Variants in DYNC1I2 observed in about 807,000 individuals in gnomAD.
DYNC1I2 encodes the protein dynein cytoplasmic 1 intermediate chain 2, also known as cytoplasmic dynein 1 intermediate chain 2.
DYNC1I2 carries 53 observed loss-of-function variants against 88.6 expected under a neutral mutation model. The ratio of observed to expected loss-of-function variants is 0.60; its 90% CI spans 0.48 to 0.75. The LOEUF is 0.75. DYNC1I2 is among the 30% of genes least tolerant of loss of function. The probability of loss-of-function intolerance (pLI) is 0.00; values close to 1 mark genes in which losing one functional copy is unlikely to be tolerated. For synonymous variants in DYNC1I2, 198 were observed against 254.6 expected (o/e 0.78, Z 2.12); for missense variants, 458 against 766.6 (o/e 0.60, Z 4.75).
intron 2 of DYNC1I2, among the ~76,000 whole-genome samples, chr2:171,691,639 G>A (rs1335669027): frequency 6.6e-6 from 1 of 152,180 alleles, no homozygotes; most frequent in Non-Finnish European, 1.5e-5. Flanking sequence ...TAGATTAAAA[G>A]CTGACTGGTA....
In DYNC1I2 at chr2:171,735,378, TG is replaced by T. The variant is rs1330814622; in HGVS notation, c.1536+5526del. On this transcript the variant is annotated intron_variant, in intron 15 of 17. Coordinates refer to ENST00000397119, the MANE Select transcript of DYNC1I2 (RefSeq NM_001378.3). ...TAATCTGAAAATTCAAAGTCTGAAA[TG>T]CTCCAGAATTCAAAACTTTTTGACC... 4.6e-5 allele frequency among the ~76,000 whole-genome samples: 7 copies of T among 152,198 alleles called. No individual in the cohort carries two copies. In the East Asian group the frequency reaches 9.6e-4, roughly 21 times the overall value.
intron 1 of DYNC1I2, chr2:171,688,428 G>C (rs1025207679): frequency 3.9e-5 from 6 of 152,156 alleles, no homozygotes; most frequent in African/African-American, 1.4e-4. Flanking sequence ...TTAAAAATGC[G>C]CTTATTTTAA....
At chr2:171,704,332 CTT>C (rs564852352) in intron 3 of DYNC1I2, among the ~76,000 whole-genome samples, 1 of 139,484 alleles carries the variant, frequency 7.2e-6, no homozygotes, top group African/African-American at 2.6e-5. Context: ...CATGGTTTAG[CTT>C]TTTTTTTTTT....
chr2:171,712,886 G>A, intron 6 of DYNC1I2, 60 bp downstream of exon 6: 1 of 1,431,834 alleles, frequency 7.0e-7, no homozygotes, highest in Non-Finnish European at 9.8e-7. Context: ...TTGTGAAACT[G>A]TCCTAATTTT....
rs747991518 is a variant in DYNC1I2, at chr2:171,687,567, C to T, written c.-70C>T. The stretch of plus-strand genomic sequence containing the variant: ...TCCAGTTTTTGGCAAAGCGGAAATA[C>T]TTAAGGCCCCTGGGTTGACTGGGTT... On this transcript the variant is annotated 5_prime_UTR_variant, in exon 1 of 18. Coordinates refer to ENST00000397119, the MANE Select transcript of DYNC1I2 (RefSeq NM_001378.3). The T allele has an allele frequency of 6.6e-6, 1 of 152,204 alleles. No individual in the cohort carries two copies. The highest frequency in any genetic ancestry group is 1.5e-5 in the Non-Finnish European group (1 of 68,072). 9.4% of individuals were successfully genotyped at this position (152,204 alleles called of 1,614,324 possible).
At chr2:171,734,207 C>T (rs1688848398) in intron 15 of DYNC1I2, among the ~76,000 whole-genome samples, 1 of 152,052 alleles carries the variant, frequency 6.6e-6, no homozygotes, top group Non-Finnish European at 1.5e-5. Flanking sequence ...CTCAGGGTGT[C>T]AGTTTGCCAG....
At chr2:171,729,978 G>A in intron 15 of DYNC1I2, 125 bp downstream of exon 15, 1 of 1,148,072 alleles carries the variant, frequency 8.7e-7, no homozygotes, top group South Asian at 1.5e-5. Context: ...AAGCCTGCTA[G>A]GAAGTTACAC....
chr2:171,689,594 C>T (rs749519261), intron 1 of DYNC1I2, among the ~76,000 whole-genome samples: 4 of 152,050 alleles, frequency 2.6e-5, no homozygotes, highest in Admixed American at 1.3e-4. Flanking sequence ...TTTGTGTATG[C>T]GAACATTAAA....
intron 5 of DYNC1I2, among the ~76,000 whole-genome samples, chr2:171,711,304 A>G (rs938590111): frequency 2.6e-5 from 4 of 151,802 alleles, no homozygotes; most frequent in African/African-American, 9.7e-5. Context: ...TGCCTGGCCC[A>G]TTTTTCCATT....
chr2:171,746,402 T>C (rs1054383334), intron 17 of DYNC1I2, among the ~76,000 whole-genome samples: 1 of 152,190 alleles, frequency 6.6e-6, no homozygotes, highest in Admixed American at 6.5e-5. Flanking sequence ...TGGAATCCAA[T>C]AGGATGAGCT....
At chr2:171,725,571 T>G in intron 7 of DYNC1I2, 47 bp from the exon 8 acceptor site, 1 of 1,194,630 alleles carries the variant, frequency 8.4e-7, no homozygotes, top group Non-Finnish European at 1.2e-6. Flanking sequence ...ATTTATTATA[T>G]CATTCTGTTT....
intron 17 of DYNC1I2, among the ~76,000 whole-genome samples, chr2:171,746,722 G>A (rs969341408): frequency 2.6e-5 from 4 of 152,072 alleles, no homozygotes; most frequent in South Asian, 2.1e-4. Context: ...CTACAACTGC[G>A]TAACTGAATT....
intron 15 of DYNC1I2, 56 bp downstream of exon 15, chr2:171,729,909 T>A (rs1688496878): frequency 5.0e-6 from 8 of 1,584,406 alleles, no homozygotes; most frequent in Non-Finnish European, 6.9e-6. Flanking sequence ...AAGGTGGTGA[T>A]CTAATACTAC....
chr2:171,750,079 C>T lies in DYNC1I2; in HGVS notation c.*2190C>T, dbSNP rs991139278. On this transcript the variant is annotated 3_prime_UTR_variant, in exon 18 of 18. Transcript: ENST00000397119. Reference sequence around the variant, plus strand: ...TTGGTTTTTGTCTTTTTGAGTGGAACGTTAAAGTTTATTACCTTCATGTTA... The same window carrying T: ...TTGGTTTTTGTCTTTTTGAGTGGAATGTTAAAGTTTATTACCTTCATGTTA... Among the ~76,000 whole-genome samples, 3 of 152,006 alleles carry T rather than the reference C, an allele frequency of 2.0e-5. No individual in the cohort carries two copies. Among genetic ancestry groups the T allele is most frequent in the Admixed American group, 6.6e-5 (1 of 15,266 alleles).
chr2:171,728,924 A>G, intron 14 of DYNC1I2, 74 bp downstream of exon 14: 6 of 1,457,460 alleles, frequency 4.1e-6, no homozygotes, highest in Non-Finnish European at 5.5e-6. Context: ...GTCTTATTTA[A>G]GTAGAAATCT....
intron 15 of DYNC1I2, among the ~76,000 whole-genome samples, chr2:171,734,028 T>C (rs1176317828): frequency 2.0e-5 from 3 of 152,210 alleles, no homozygotes; most frequent in African/African-American, 7.2e-5. Context: ...TAGCCAGTTC[T>C]CCCAGCACCA....
chr2:171,707,046 A>G (rs1686732893), intron 4 of DYNC1I2: 2 of 601,646 alleles, frequency 3.3e-6, no homozygotes, highest in East Asian at 2.9e-5. Flanking sequence ...TTTTAAAAAA[A>G]TTATAAAGCT....
At chr2:171,688,934 G>A (rs16859746) in intron 1 of DYNC1I2, among the ~76,000 whole-genome samples, 2,476 of 152,070 alleles carry the variant, frequency 0.016, 56 homozygotes, top group African/African-American at 0.052. Context: ...TTGATCATTA[G>A]GCAATAAGTC....
At chr2:171,717,301 G>A (rs1687572747) in intron 7 of DYNC1I2, among the ~76,000 whole-genome samples, 2 of 152,082 alleles carry the variant, frequency 1.3e-5, no homozygotes, top group South Asian at 2.1e-4. Flanking sequence ...TTTTAGTAGA[G>A]ATAGGGTTTC....
Sources: gnomAD v4.1 joint callset for allele counts (sites outside exome capture counted in the v4.1 genomes callset) on GRCh38, gnomAD v4.1.1 for gene constraint, MANE v1.5 for transcripts, NCBI Gene and HGNC (gene_info 2026-07-23, HGNC 2026-07-21) for gene names.